Variants in MACROD2 observed in about 807,000 individuals in gnomAD.
MACROD2 encodes the protein mono-ADP ribosylhydrolase 2.
Under a neutral mutation model 70.4 loss-of-function variants are expected in MACROD2, and 36 were observed. The observed-to-expected ratio is 0.51, with a 90% CI of 0.39 to 0.68. The LOEUF (loss-of-function observed/expected upper bound fraction) is 0.68, where lower values mean the gene tolerates loss of function less well. Ranked by LOEUF, MACROD2 falls within the 30% of genes least tolerant of loss-of-function variation. The probability of loss-of-function intolerance (pLI) is 0.00; values close to 1 mark genes in which losing one functional copy is unlikely to be tolerated. For missense variants in MACROD2, 496 were observed against 538.4 expected (o/e 0.92, Z 0.78); for synonymous variants, 172 against 178.8 (o/e 0.96, Z 0.30).
intron 5 of MACROD2, chr20:14,895,478 T>C (rs1390301042): frequency 6.6e-6 from 1 of 152,060 alleles, no homozygotes; most frequent in Non-Finnish European, 1.5e-5. Flanking sequence ...AAAGTAAATA[T>C]CCATATAACA....
intron 4 of MACROD2, among the ~76,000 whole-genome samples, chr20:14,643,077 G>A (rs1362958006): frequency 6.6e-6 from 1 of 152,042 alleles, no homozygotes; most frequent in Non-Finnish European, 1.5e-5. Flanking sequence ...TATTTTTACT[G>A]TTGCATAACA....
At chr20:15,352,119 C>G (rs1435432978) in intron 6 of MACROD2, among the ~76,000 whole-genome samples, 1 of 152,126 alleles carries the variant, frequency 6.6e-6, no homozygotes, top group African/African-American at 2.4e-5. Context: ...AGTGTAGAAA[C>G]AGAGAACATG....
At chr20:15,515,728 A>T (rs2047557921) in intron 8 of MACROD2, among the ~76,000 whole-genome samples, 1 of 152,224 alleles carries the variant, frequency 6.6e-6, no homozygotes, top group South Asian at 2.1e-4. Context: ...TATCTGTCTC[A>T]TACAGATTAA....
intron 5 of MACROD2, chr20:14,850,095 G>A (rs1303878045): frequency 6.7e-6 from 3 of 446,736 alleles, no homozygotes; most frequent in Admixed American, 5.0e-5. Flanking sequence ...AAATAACGTA[G>A]GATGGAGAGC....
intron 3 of MACROD2, among the ~76,000 whole-genome samples, chr20:14,388,229 G>A (rs547912830): frequency 1.8e-3 from 272 of 152,078 alleles, no homozygotes; most frequent in Non-Finnish European, 2.2e-3. Context: ...CGCCAGGATG[G>A]TCTCGATCTC....
intron 5 of MACROD2, among the ~76,000 whole-genome samples, chr20:15,038,334 A>G (rs2075329935): frequency 6.6e-6 from 1 of 152,178 alleles, no homozygotes; most frequent in South Asian, 2.1e-4. Flanking sequence ...AAGAATATGG[A>G]GTAAAATCTT....
At chr20:14,613,661 T>C (rs559173798) in intron 4 of MACROD2, among the ~76,000 whole-genome samples, 1 of 152,216 alleles carries the variant, frequency 6.6e-6, no homozygotes. Context: ...ATCCTCTTTC[T>C]TTGCTTATTG....
chr20:14,027,192 CTT>C (rs1309439899), intron 2 of MACROD2, among the ~76,000 whole-genome samples: 1 of 152,090 alleles, frequency 6.6e-6, no homozygotes. Context: ...TGTCATCACT[CTT>C]TATTTCATTA....
chr20:14,617,490 C>G (rs1276719389), intron 4 of MACROD2, among the ~76,000 whole-genome samples: 1 of 152,048 alleles, frequency 6.6e-6, no homozygotes, highest in African/African-American at 2.4e-5. Context: ...AAACCATTCT[C>G]TATGTATTAG....
chr20:15,079,440 C>T (rs1040645356), intron 5 of MACROD2, among the ~76,000 whole-genome samples: 3 of 152,136 alleles, frequency 2.0e-5, no homozygotes, highest in Non-Finnish European at 2.9e-5. Flanking sequence ...GCAATAATTG[C>T]ACCAGCTCCA....
chr20:15,241,427 A>T (rs1260143474), intron 6 of MACROD2, among the ~76,000 whole-genome samples: 1 of 152,032 alleles, frequency 6.6e-6, no homozygotes, highest in Non-Finnish European at 1.5e-5. Flanking sequence ...TTACCATTGC[A>T]TTTTTTTCTT....
intron 9 of MACROD2, among the ~76,000 whole-genome samples, chr20:15,864,573 C>T (rs2064466624): frequency 6.6e-6 from 1 of 152,048 alleles, no homozygotes; most frequent in Non-Finnish European, 1.5e-5. Context: ...TTTCTATCAG[C>T]AGGTATTTCC....
chr20:15,426,999 T>C (rs1282382629), intron 6 of MACROD2, among the ~76,000 whole-genome samples: 1 of 148,756 alleles, frequency 6.7e-6, no homozygotes, highest in African/African-American at 2.5e-5. Flanking sequence ...TCAATCTCTC[T>C]CTCCCTGTCT....
chr20:14,252,333 G>T (rs1395551487), intron 3 of MACROD2, among the ~76,000 whole-genome samples: 1 of 151,904 alleles, frequency 6.6e-6, no homozygotes, highest in Admixed American at 6.6e-5. Flanking sequence ...CTGACTATAT[G>T]GGATCAGAAA....
chr20:15,832,084 T>C (rs148866518), intron 8 of MACROD2, among the ~76,000 whole-genome samples: 4 of 152,216 alleles, frequency 2.6e-5, no homozygotes, highest in Non-Finnish European at 5.9e-5. Flanking sequence ...TTTGATTTTA[T>C]CCAAATGGAA....
rs1216917260 is a variant in MACROD2 at position 14,952,870 on chromosome 20, G to T, written c.418+267911G>T. Reference sequence around the variant, plus strand: ...TGACATTCTCCTAAAACAATAGAAAGTATACTCATTGCATATTTCTTTAAG... The same window carrying T: ...TGACATTCTCCTAAAACAATAGAAATTATACTCATTGCATATTTCTTTAAG... On this transcript the variant is annotated intron_variant, in intron 5 of 17. Transcript: ENST00000684519. Among the ~76,000 whole-genome samples, 4 of 151,994 alleles carry T rather than the reference G, an allele frequency of 2.6e-5. No homozygotes were observed. In the South Asian group the frequency reaches 8.3e-4, roughly 32 times the overall value.
intron 5 of MACROD2, among the ~76,000 whole-genome samples, chr20:14,819,742 CAG>C (rs1470620558): frequency 1.3e-5 from 2 of 151,972 alleles, no homozygotes; most frequent in Admixed American, 6.6e-5. Flanking sequence ...AAGTGGGAGT[CAG>C]GGGAGCGGAA....
intron 3 of MACROD2, among the ~76,000 whole-genome samples, chr20:14,386,641 A>G (rs558690888): frequency 1.3e-5 from 2 of 151,952 alleles, no homozygotes; most frequent in East Asian, 3.9e-4. Flanking sequence ...GCCATGTGAC[A>G]TGCCAGCTCC....
At chr20:14,977,359 T>C (rs974954046) in intron 5 of MACROD2, among the ~76,000 whole-genome samples, 1 of 151,448 alleles carries the variant, frequency 6.6e-6, no homozygotes, top group Non-Finnish European at 1.5e-5. Flanking sequence ...CTTTTTATGC[T>C]GTTTTCTTCT....
Sources: gnomAD v4.1 joint callset for allele counts (sites outside exome capture counted in the v4.1 genomes callset) on GRCh38, gnomAD v4.1.1 for gene constraint, MANE v1.5 for transcripts, NCBI Gene and HGNC (gene_info 2026-07-23, HGNC 2026-07-21) for gene names.